BLTP1: variants seen among roughly 807,000 people sequenced by gnomAD.
BLTP1 encodes the protein fragile site-associated protein.
chr4:122,303,812 G>A, the BLTP1 span, among the ~76,000 whole-genome samples: 2 of 152,164 alleles, frequency 1.3e-5, no homozygotes, highest in African/African-American at 2.4e-5. Context: ...TCTTATGAAT[G>A]AGCAAAGAAA....
the BLTP1 span, chr4:122,352,877 G>C: frequency 6.2e-7 from 1 of 1,611,552 alleles, no homozygotes; most frequent in Non-Finnish European, 8.5e-7. Flanking sequence ...GGCACTTCAG[G>C]ATATGTGTTT....
chr4:122,313,880 T>A, the BLTP1 span: 2 of 168,918 alleles, frequency 1.2e-5, no homozygotes, highest in Non-Finnish European at 2.3e-5. Context: ...TATATATAAA[T>A]ATATACATAT....
chr4:122,162,735 C>CAA, the BLTP1 span: 1,030 of 716,854 alleles, frequency 1.4e-3, 1 homozygote, highest in African/African-American at 3.5e-3. Flanking sequence ...ACAACAACAA[C>CAA]AAAAAAAAAA....
At chr4:122,226,695 G>A in the BLTP1 span, 1 of 1,612,880 alleles carries the variant, frequency 6.2e-7, no homozygotes, top group Non-Finnish European at 8.5e-7. Context: ...ACTTGTCACT[G>A]ATTATCTGTA....
chr4:122,353,185 TCTC>T, the BLTP1 span: 2 of 1,605,920 alleles, frequency 1.2e-6, no homozygotes, highest in Non-Finnish European at 1.7e-6. This position sits in a 1 kb window ranked among gnomAD's most constrained non-coding sequence, Gnocchi z 4.3. Context: ...GCTTTTACTT[TCTC>T]CTATCTTCTG....
At chr4:122,307,419 T>C in the BLTP1 span, 1 of 960,990 alleles carries the variant, frequency 1.0e-6, no homozygotes, top group Non-Finnish European at 1.2e-6. Flanking sequence ...CTCTGGCCTC[T>C]CCATCTTTAT....
At chr4:122,194,609 T>C in the BLTP1 span, 1 of 979,764 alleles carries the variant, frequency 1.0e-6, no homozygotes, top group Non-Finnish European at 1.2e-6. Flanking sequence ...AGAACAGTTA[T>C]GTATTGTTTG....
At chr4:122,248,608 A>G in the BLTP1 span, among the ~76,000 whole-genome samples, 1 of 152,080 alleles carries the variant, frequency 6.6e-6, no homozygotes, top group Non-Finnish European at 1.5e-5. Context: ...AAATACAAAA[A>G]AATTAAATAA....
the BLTP1 span, among the ~76,000 whole-genome samples, chr4:122,259,426 T>C: frequency 2.0e-5 from 3 of 152,172 alleles, no homozygotes; most frequent in African/African-American, 7.2e-5. Flanking sequence ...AATAATTGAG[T>C]TAATTCATGA....
At chr4:122,186,944 T>A in the BLTP1 span, 1 of 869,012 alleles carries the variant, frequency 1.2e-6, no homozygotes, top group Non-Finnish European at 1.4e-6. Flanking sequence ...TTCATTTCAT[T>A]AAGGGAAAAT....
the BLTP1 span, chr4:122,300,918 CAAAAA>C: frequency 2.3e-6 from 2 of 888,684 alleles, no homozygotes; most frequent in Non-Finnish European, 2.6e-6. Flanking sequence ...ATTGCCCAGG[CAAAAA>C]AAAAAAAAAA....
the BLTP1 span, among the ~76,000 whole-genome samples, chr4:122,304,100 A>C: frequency 6.6e-6 from 1 of 152,186 alleles, no homozygotes; most frequent in Non-Finnish European, 1.5e-5. Context: ...CCAGACTTCA[A>C]CAACCACTAC....
chr4:122,272,399 A>C, the BLTP1 span: 1 of 1,609,938 alleles, frequency 6.2e-7, no homozygotes, highest in Non-Finnish European at 8.5e-7. Context: ...TAAGGAAAAA[A>C]TGAAAGGTAT....
chr4:122,164,045 G>C, the BLTP1 span, among the ~76,000 whole-genome samples: 2 of 152,114 alleles, frequency 1.3e-5, no homozygotes, highest in Non-Finnish European at 2.9e-5. Context: ...AATAATTCTT[G>C]CTAAGGTATT....
At chr4:122,231,943 TG>T in the BLTP1 span, 2 of 743,616 alleles carry the variant, frequency 2.7e-6, no homozygotes, top group Admixed American at 6.3e-5. Context: ...TGAAAGCTCA[TG>T]TATGAAGAAT....
At chr4:122,219,619 T>A in the BLTP1 span, 5 of 1,299,184 alleles carry the variant, frequency 3.8e-6, no homozygotes, top group East Asian at 1.2e-4. Context: ...CATCCACCTG[T>A]GTATAGATGT....
chr4:122,355,723 G>A, the BLTP1 span: 1 of 1,443,574 alleles, frequency 6.9e-7, no homozygotes, highest in South Asian at 1.5e-5. Flanking sequence ...TATTATAGTT[G>A]TCTTGAAAGC....
chr4:122,314,166 A>T, the BLTP1 span: 1 of 983,548 alleles, frequency 1.0e-6, no homozygotes, highest in Non-Finnish European at 1.2e-6. Flanking sequence ...AATCTTTCTT[A>T]AGCAAAAACT....
chr4:122,299,103 T>A, the BLTP1 span: 1 of 984,824 alleles, frequency 1.0e-6, no homozygotes, highest in Non-Finnish European at 1.2e-6. Flanking sequence ...ATTAGGGAAA[T>A]TGCTGTGTAG....
Sources: gnomAD v4.1 joint callset for allele counts (sites outside exome capture counted in the v4.1 genomes callset) on GRCh38, gnomAD v4.1.1 for gene constraint, Gnocchi (gnomAD v3.1) non-coding constraint, MANE v1.5 for transcripts, NCBI Gene and HGNC (gene_info 2026-07-23, HGNC 2026-07-21) for gene names.